Variants in RASSF3 observed in about 807,000 individuals in gnomAD.
The protein encoded by RASSF3 is ras association domain-containing protein 3.
In RASSF3, 19 loss-of-function variants were observed where a neutral mutation model predicts 19.9. The observed-to-expected ratio is 0.96, with a 90% CI of 0.67 to 1.40. The LOEUF is 1.40. Ranked by LOEUF, RASSF3 falls within the 40% of genes most tolerant of loss-of-function variation. RASSF3 has a pLI of 0.00. For synonymous variants in RASSF3, 110 were observed against 104.2 expected (o/e 1.06, Z -0.34); for missense variants, 306 against 289.8 (o/e 1.06, Z -0.41).
chr12:64,675,228 T>C (rs1872853894), intron 1 of RASSF3, among the ~76,000 whole-genome samples: 1 of 152,208 alleles, frequency 6.6e-6, no homozygotes, highest in East Asian at 1.9e-4. Context: ...TATAATGTAC[T>C]CATTTGCTCA....
At chr12:64,531,793 G>A (rs903886138), upstream of RASSF3, among the ~76,000 whole-genome samples, 3 of 152,144 alleles carry the variant, frequency 2.0e-5, no homozygotes, top group Non-Finnish European at 4.4e-5. Context: ...TTCTAGGAAC[G>A]CCCCTTTGTT....
chr12:64,595,621 A>G (rs1386826245), intron 2 of RASSF3, among the ~76,000 whole-genome samples: 1 of 152,156 alleles, frequency 6.6e-6, no homozygotes, highest in East Asian at 1.9e-4. Flanking sequence ...GTAGGCCTCC[A>G]TGTACAGAAC....
chr12:64,519,841 T>C (rs993512003), intron 1 of RASSF3, among the ~76,000 whole-genome samples: 1 of 152,108 alleles, frequency 6.6e-6, no homozygotes, highest in African/African-American at 2.4e-5. Context: ...TATATGTGTA[T>C]GTATTTATAT....
At chr12:64,530,642 C>T (rs1297637883), upstream of RASSF3, among the ~76,000 whole-genome samples, 6 of 152,058 alleles carry the variant, frequency 3.9e-5, no homozygotes, top group Admixed American at 6.6e-5. Flanking sequence ...TTTAACAAAC[C>T]GTTTTTCCAA....
downstream of RASSF3, among the ~76,000 whole-genome samples, chr12:64,542,999 CG>C (rs983372121): frequency 8.9e-5 from 13 of 145,424 alleles, 2 homozygotes; most frequent in African/African-American, 2.5e-4. Context: ...GTGGGCTTGG[CG>C]GGGCCCCGCA....
chr12:64,547,991 C>A (rs979929758), intron 2 of RASSF3, among the ~76,000 whole-genome samples: 1 of 151,884 alleles, frequency 6.6e-6, no homozygotes, highest in Non-Finnish European at 1.5e-5. Context: ...ATATGTATTT[C>A]TTCGTAAAAC....
intron 1 of RASSF3, among the ~76,000 whole-genome samples, chr12:64,653,257 T>G (rs1872028696): frequency 6.6e-6 from 1 of 152,118 alleles, no homozygotes; most frequent in African/African-American, 2.4e-5. Flanking sequence ...TTTTAAAATT[T>G]TTGTGGAGAT....
chr12:64,533,009 G>A (rs181132003), upstream of RASSF3, among the ~76,000 whole-genome samples: 37 of 152,348 alleles, frequency 2.4e-4, no homozygotes, highest in South Asian at 8.3e-4. Context: ...CAACACTGCC[G>A]TCTCAGAGAC....
At chr12:64,632,782 C>G (rs1871209717) in intron 1 of RASSF3, among the ~76,000 whole-genome samples, 1 of 152,020 alleles carries the variant, frequency 6.6e-6, no homozygotes, top group Non-Finnish European at 1.5e-5. Flanking sequence ...CAGGACAGAC[C>G]TCAGATCTCA....
chr12:64,588,928 G>C (rs928037620), intron 2 of RASSF3, among the ~76,000 whole-genome samples: 1 of 151,928 alleles, frequency 6.6e-6, no homozygotes, highest in Non-Finnish European at 1.5e-5. Flanking sequence ...TCTTTTTAAC[G>C]GAGTCAAAAT....
At chr12:64,573,453 C>T (rs1333160967) in intron 2 of RASSF3, among the ~76,000 whole-genome samples, 1 of 152,194 alleles carries the variant, frequency 6.6e-6, no homozygotes, top group Non-Finnish European at 1.5e-5. Flanking sequence ...ATCATATTAT[C>T]CCCATTTAAC....
intron 1 of RASSF3, among the ~76,000 whole-genome samples, chr12:64,539,171 G>A (rs1868891121): frequency 6.6e-6 from 1 of 152,108 alleles, no homozygotes; most frequent in Non-Finnish European, 1.5e-5. Context: ...TAAGTTCTAG[G>A]TCAAGGGGCA....
intron 1 of RASSF3, among the ~76,000 whole-genome samples, chr12:64,663,905 AAAAACATCCCAAC>A (rs1872460390): frequency 6.6e-6 from 1 of 150,868 alleles, no homozygotes; most frequent in Non-Finnish European, 1.5e-5. Context: ...AGAGCACAAC[AAAAACATCCCAAC>A]AATACATAAA....
At chr12:64,512,601 C>CTAA (rs149470891) in intron 1 of RASSF3, among the ~76,000 whole-genome samples, 5 of 152,236 alleles carry the variant, frequency 3.3e-5, no homozygotes, top group Non-Finnish European at 5.9e-5. Flanking sequence ...AGAGTTCTTA[C>CTAA]TAATGGTTTA....
At chr12:64,514,304 A>G (rs545137279) in intron 1 of RASSF3, among the ~76,000 whole-genome samples, 1 of 143,176 alleles carries the variant, frequency 7.0e-6, no homozygotes, top group African/African-American at 2.7e-5. Flanking sequence ...CTCCTGCCTT[A>G]GCCTCCCGAG....
rs140308622 is a variant in RASSF3 at position 64,688,316 on chromosome 12, A to G, written c.320A>G (p.Asn107Ser). The G allele has an allele frequency of 4.8e-4, 767 of 1,613,974 alleles. 1 individual carries two copies. The highest frequency in any genetic ancestry group is 5.9e-4 in the Non-Finnish European group (692 of 1,179,948). ...TCTGGAAAACTCTCTCCCAGTAGCA[A>G]TGGCTGTATGAATACACTTCATATC... ...PNSGKLSPSS[N>S]GCMNTLHISS... is the part of the protein sequence containing the mutation. The change falls in exon 3 of 5, where the codon AAT (asparagine) becomes AGT (serine). Residue 107 changes from asparagine (N) to serine (S), a missense_variant. By Grantham distance (46) the Asn-to-Ser change is conservative. Coordinates refer to ENST00000542104, the MANE Select transcript of RASSF3 (RefSeq NM_178169.4).
At chr12:64,585,419 C>A (rs997932798) in intron 2 of RASSF3, among the ~76,000 whole-genome samples, 1 of 152,090 alleles carries the variant, frequency 6.6e-6, no homozygotes, top group African/African-American at 2.4e-5. Context: ...ATAAAGATTT[C>A]TCTCCCTGAC....
At position 64,598,755 on chromosome 12, in the gene RASSF3, A is replaced by G. The variant is rs546110902; in HGVS notation, c.294+57050A>G. ...CAGATTTCTTTTTTTTTTTTAAATT[A>G]TACTTTAAGTTCTAGGGTACATGTG... is the stretch of plus-strand genomic sequence containing the variant. On this transcript the variant is annotated intron_variant, in intron 2 of 5. Coordinates refer to the RASSF3 transcript ENST00000637125. Among the ~76,000 whole-genome samples the G allele has an allele frequency of 2.0e-5, 3 of 151,266 alleles. No individual in the cohort carries two copies. The East Asian group carries it at 5.8e-4, about 29-fold the overall frequency.
chr12:64,511,045 T>C (rs1868325300), intron 1 of RASSF3, among the ~76,000 whole-genome samples: 1 of 152,214 alleles, frequency 6.6e-6, no homozygotes, highest in African/African-American at 2.4e-5. Flanking sequence ...TTGAACTTGA[T>C]CTTAAAGTTT....
Sources: gnomAD v4.1 joint callset for allele counts (sites outside exome capture counted in the v4.1 genomes callset) on GRCh38, gnomAD v4.1.1 for gene constraint, MANE v1.5 for transcripts, NCBI Gene and HGNC (gene_info 2026-07-23, HGNC 2026-07-21) for gene names.